MYO16: variants seen among roughly 807,000 people sequenced by gnomAD.
MYO16 encodes the protein myosin XVI.
Under a neutral mutation model 205.3 loss-of-function variants are expected in MYO16, and 94 were observed. The observed-to-expected ratio is 0.46, with a 90% CI of 0.39 to 0.54. The LOEUF (loss-of-function observed/expected upper bound fraction) is 0.54, where lower values mean the gene tolerates loss of function less well. Ranked by LOEUF, MYO16 falls within the 20% of genes least tolerant of loss-of-function variation. The probability of loss-of-function intolerance (pLI) is 0.00; values close to 1 mark genes in which losing one functional copy is unlikely to be tolerated. For synonymous variants in MYO16, 988 were observed against 954.0 expected, an observed-to-expected ratio of 1.04 and a Z score of -0.66; for missense variants, 2,315 against 2,387.5, an observed-to-expected ratio of 0.97 and a Z score of 0.63.
intron 16 of MYO16, among the ~76,000 whole-genome samples, chr13:108,915,629 C>A (rs908420927): frequency 6.6e-6 from 1 of 152,144 alleles, no homozygotes; most frequent in Non-Finnish European, 1.5e-5. Context: ...CAGAAATAGT[C>A]ATTCATTGTT....
the MYO16 span, among the ~76,000 whole-genome samples, chr13:108,570,577 C>A: frequency 6.6e-6 from 1 of 152,202 alleles, no homozygotes; most frequent in Non-Finnish European, 1.5e-5. Context: ...TGATAACACA[C>A]CAATGAAGCC....
Position 109,179,421 on chromosome 13 carries a change from A to G in MYO16, c.5324-121A>G, listed in dbSNP as rs563314045. On this transcript the variant is annotated intron_variant, in intron 33 of 34. Transcript: ENST00000457511. ...AAAATTTAGTATTTAGTTTGTGTTT[A>G]AGGATCATCATTTCAATTCATAAAA... 3 of 674,876 alleles carry G rather than the reference A, an allele frequency of 4.4e-6. No homozygotes were observed. The African/African-American group carries it at 5.3e-5, about 12-fold the overall frequency. 41.8% of individuals were successfully genotyped at this position (674,876 alleles called of 1,614,324 possible).
intron 14 of MYO16, among the ~76,000 whole-genome samples, chr13:108,894,672 C>T (rs1880328184): frequency 6.6e-6 from 1 of 152,184 alleles, no homozygotes; most frequent in South Asian, 2.1e-4. Context: ...CAGTCTTACA[C>T]CTCATTTGGC....
In MYO16 at chr13:108,823,135, C is replaced by T. The variant is rs538235887; in HGVS notation, c.954C>T (p.Ala318=). 7.5e-6 allele frequency: 12 copies of T among 1,610,192 alleles called. No homozygotes were observed. The African/African-American group carries it at 1.5e-4, about 20-fold the overall frequency. ...CNEEKASDIA[A]SEFIEEMLLK... is the part of the protein sequence containing the mutation. Reference sequence around the variant, plus strand: ...ATTTTTTTCTTGTAGATATTGCTGCCTCTGAGTTTATTGAGGAAATGCTGC... The same window carrying T: ...ATTTTTTTCTTGTAGATATTGCTGCTTCTGAGTTTATTGAGGAAATGCTGC... The change falls in exon 9 of 35, where the codon GCC becomes GCT. Residue 318 remains alanine (A), a synonymous_variant. Transcript: ENST00000457511.
At chr13:108,664,893 T>A (rs1881656669) in intron 1 of MYO16, among the ~76,000 whole-genome samples, 1 of 152,184 alleles carries the variant, frequency 6.6e-6, no homozygotes, top group Non-Finnish European at 1.5e-5. Context: ...GGAATTCACT[T>A]TGTTAATCAC....
At chr13:108,736,323 A>G (rs1401288668) in intron 4 of MYO16, among the ~76,000 whole-genome samples, 3 of 152,168 alleles carry the variant, frequency 2.0e-5, no homozygotes, top group Non-Finnish European at 4.4e-5. Flanking sequence ...ATTTTTGTAT[A>G]AGGTGTAAGA....
the MYO16 span, among the ~76,000 whole-genome samples, chr13:108,537,407 G>C: frequency 6.6e-6 from 1 of 152,104 alleles, no homozygotes; most frequent in African/African-American, 2.4e-5. Context: ...TCAGTTGATG[G>C]ACACTTAGGT....
At chr13:109,117,042 A>G (rs1875725850) in intron 28 of MYO16, among the ~76,000 whole-genome samples, 1 of 152,100 alleles carries the variant, frequency 6.6e-6, no homozygotes, top group African/African-American at 2.4e-5. Flanking sequence ...TCACAATACA[A>G]ACTGGTAGGC....
chr13:108,610,749 A>T (rs1439281935), intron 1 of MYO16, among the ~76,000 whole-genome samples: 1 of 152,228 alleles, frequency 6.6e-6, no homozygotes, highest in Non-Finnish European at 1.5e-5. Context: ...AGCTATCTTG[A>T]CAAGGAAGAG....
At chr13:109,043,245 A>G (rs1211704595) in intron 23 of MYO16, among the ~76,000 whole-genome samples, 1 of 152,226 alleles carries the variant, frequency 6.6e-6, no homozygotes, top group East Asian at 1.9e-4. Flanking sequence ...CTGCAGAGAC[A>G]GAACTGAGAA....
At chr13:108,762,577 G>T (rs1424623129) in intron 4 of MYO16, among the ~76,000 whole-genome samples, 3 of 152,132 alleles carry the variant, frequency 2.0e-5, no homozygotes, top group Non-Finnish European at 4.4e-5. Context: ...TTTCTCTGAT[G>T]ATTAGTGATG....
chr13:108,653,152 A>G (rs1024681787), intron 1 of MYO16, among the ~76,000 whole-genome samples: 2 of 152,160 alleles, frequency 1.3e-5, no homozygotes, highest in African/African-American at 4.8e-5. Flanking sequence ...TGTTGAGCAT[A>G]TCTTTATATG....
intron 4 of MYO16, among the ~76,000 whole-genome samples, chr13:108,773,063 A>G (rs1283720533): frequency 6.6e-6 from 1 of 152,172 alleles, no homozygotes; most frequent in Non-Finnish European, 1.5e-5. Flanking sequence ...ATAGTTGGCT[A>G]TCTTCGTACT....
At chr13:108,929,222 A>T (rs903813851) in intron 16 of MYO16, among the ~76,000 whole-genome samples, 14 of 152,230 alleles carry the variant, frequency 9.2e-5, no homozygotes, top group African/African-American at 3.1e-4. Context: ...AAATCTTCAA[A>T]GAATACAAAA....
At chr13:108,879,738 C>T (rs1402296976) in intron 12 of MYO16, among the ~76,000 whole-genome samples, 1 of 152,196 alleles carries the variant, frequency 6.6e-6, no homozygotes, top group African/African-American at 2.4e-5. Flanking sequence ...GTATGTGCCA[C>T]ATTTTCTTAA....
intron 32 of MYO16, chr13:109,164,044 C>A (rs1878522258): frequency 6.6e-6 from 1 of 152,196 alleles, no homozygotes; most frequent in Non-Finnish European, 1.5e-5. Flanking sequence ...CAATAGGTTG[C>A]AGCTTTTTTG....
intron 9 of MYO16, among the ~76,000 whole-genome samples, chr13:108,834,638 A>ACTCTCT (rs67472762): frequency 5.8e-4 from 52 of 90,344 alleles, no homozygotes; most frequent in African/African-American, 1.8e-3. Context: ...TCAGTCTTGT[A>ACTCTCT]CTCTCTCTCT....
rs1876973396 is a variant in MYO16 at position 109,140,174 on chromosome 13, G to C, written c.4052-90G>C. On this transcript the variant is annotated intron_variant, in intron 31 of 34. Coordinates refer to ENST00000457511, the MANE Select transcript of MYO16 (RefSeq NM_001198950.3). The surrounding 1 kb of genome is among the most constrained non-coding windows in gnomAD (Gnocchi z 8.0). ...TCCCTTGGGATTCTCGGGGCACGGG[G>C]CCGTGGCTCCCTCCGAGTCGAGCCC... 2 of 1,538,414 alleles carry C rather than the reference G, an allele frequency of 1.3e-6. No homozygotes were observed. Among genetic ancestry groups the C allele is most frequent in the Non-Finnish European group, 1.7e-6 (2 of 1,153,058 alleles).
intron 27 of MYO16, among the ~76,000 whole-genome samples, chr13:109,081,650 G>A (rs982536282): frequency 2.4e-4 from 36 of 152,276 alleles, no homozygotes; most frequent in African/African-American, 5.8e-4. Context: ...GGACCTGAGC[G>A]TAAGGGTAGT....
Sources: gnomAD v4.1 joint callset for allele counts (sites outside exome capture counted in the v4.1 genomes callset) on GRCh38, gnomAD v4.1.1 for gene constraint, Gnocchi (gnomAD v3.1) non-coding constraint, MANE v1.5 for transcripts, NCBI Gene and HGNC (gene_info 2026-07-23, HGNC 2026-07-21) for gene names.